The following RSF1 variants were observed in gnomAD, a reference collection of about 807,000 sequenced individuals.
RSF1 encodes remodeling and spacing factor 1.
Under a neutral mutation model 145.2 loss-of-function variants are expected in RSF1, and 13 were observed. The observed-to-expected ratio is 0.09, with a 90% CI of 0.06 to 0.14. The LOEUF (loss-of-function observed/expected upper bound fraction) is 0.14. Ranked by LOEUF, RSF1 falls within the 10% of genes least tolerant of loss-of-function variation. The pLI, the probability that RSF1 is intolerant of heterozygous loss-of-function variation, is 1.00. For missense variants in RSF1, 1,517 were observed against 1,718.2 expected (o/e 0.88, Z 2.07); for synonymous variants, 577 against 592.6 (o/e 0.97, Z 0.38).
At chr11:77,749,150 G>A (rs1383450852) in intron 2 of RSF1, among the ~76,000 whole-genome samples, 6 of 152,172 alleles carry the variant, frequency 3.9e-5, no homozygotes, top group Non-Finnish European at 8.8e-5. Flanking sequence ...AGTGGGTAGG[G>A]GAAGGAAGGA....
chr11:77,687,601 G>A (rs934273081), intron 9 of RSF1, among the ~76,000 whole-genome samples: 1 of 152,136 alleles, frequency 6.6e-6, no homozygotes, highest in Non-Finnish European at 1.5e-5. Flanking sequence ...AAGCTACTCA[G>A]GAGGCTGAGG....
At chr11:77,720,181 T>C (rs1389629270) in intron 5 of RSF1, among the ~76,000 whole-genome samples, 1 of 152,230 alleles carries the variant, frequency 6.6e-6, no homozygotes, top group Non-Finnish European at 1.5e-5. Context: ...ATTAGGTCTG[T>C]GAGCTGCCAG....
At chr11:77,726,792 C>T (rs1961064098) in intron 4 of RSF1, among the ~76,000 whole-genome samples, 1 of 152,162 alleles carries the variant, frequency 6.6e-6, no homozygotes, top group South Asian at 2.1e-4. Flanking sequence ...ACATATGGCT[C>T]CTACCCTCCT....
chr11:77,828,265 ACT>A, the RSF1 span, among the ~76,000 whole-genome samples: 1 of 151,786 alleles, frequency 6.6e-6, no homozygotes, highest in Admixed American at 6.6e-5. Flanking sequence ...ACAGAGCGCA[ACT>A]CTGTCTCAAA....
At chr11:77,798,932 C>T (rs181665930) in intron 1 of RSF1, among the ~76,000 whole-genome samples, 1 of 148,862 alleles carries the variant, frequency 6.7e-6, no homozygotes, top group Non-Finnish European at 1.5e-5. Flanking sequence ...ACTGCACGTT[C>T]TGCATATGTA....
At chr11:77,851,502 T>G in the RSF1 span, 1 of 152,224 alleles carries the variant, frequency 6.6e-6, no homozygotes, top group African/African-American at 2.4e-5. Context: ...CTGATATAGT[T>G]GGATATTTGT....
Position 77,808,046 on chromosome 11 carries a change from A to G in RSF1, c.187+12482T>C, listed in dbSNP as rs888960603. 2.9e-4 allele frequency among the ~76,000 whole-genome samples: 44 copies of G among 152,178 alleles called. 1 individual carries two copies. Among genetic ancestry groups the G allele is most frequent in the Non-Finnish European group, 2.2e-4 (15 of 68,024 alleles). On this transcript the variant is annotated intron_variant, in intron 1 of 15. Transcript: ENST00000308488. ...CATTAAAAAAATTTTTTAAATAAAA[A>G]AATTAGGCTGGGTGCGGTGGCTCAC...
chr11:77,718,528 CAT>C (rs1181319251), intron 5 of RSF1: 12 of 152,262 alleles, frequency 7.9e-5, no homozygotes, highest in African/African-American at 2.2e-4. Context: ...CCCACAAATT[CAT>C]ATATTGAAGC....
chr11:77,727,473 CTT>C (rs59747840), intron 4 of RSF1, among the ~76,000 whole-genome samples: 6 of 112,240 alleles, frequency 5.3e-5, no homozygotes, highest in African/African-American at 7.0e-5. Flanking sequence ...ACTTCCACTA[CTT>C]TTTTTTTTTT....
intron 5 of RSF1, chr11:77,718,306 CAGAAAAAAA>C (rs1960864312): frequency 6.6e-6 from 1 of 150,410 alleles, no homozygotes; most frequent in Admixed American, 6.6e-5. Context: ...AACTCCGTCT[CAGAAAAAAA>C]AGAAAAAAAA....
At chr11:77,844,955 G>C in the RSF1 span, among the ~76,000 whole-genome samples, 5 of 152,184 alleles carry the variant, frequency 3.3e-5, no homozygotes, top group African/African-American at 1.2e-4. Flanking sequence ...GGCTTCATTG[G>C]TTTCTAATGA....
At chr11:77,761,828 A>AT (rs11381383) in intron 2 of RSF1, among the ~76,000 whole-genome samples, 98,377 of 119,136 alleles carry the variant, frequency 0.83, 41,392 homozygotes, top group Middle Eastern at 0.91. Context: ...CCATTCGGTG[A>AT]TTTTTTTTTT....
chr11:77,725,848 A>C, intron 4 of RSF1, 149 bp from the exon 5 acceptor site: 1 of 497,684 alleles, frequency 2.0e-6, no homozygotes, highest in Non-Finnish European at 3.3e-6. Flanking sequence ...ATTAACCCTG[A>C]ATTTTAAAAG....
chr11:77,848,310 T>A, the RSF1 span, among the ~76,000 whole-genome samples: 1 of 152,170 alleles, frequency 6.6e-6, no homozygotes, highest in Non-Finnish European at 1.5e-5. Context: ...TAGTGCTGTA[T>A]ATTTCTATTT....
At position 77,662,348 on chromosome 11, in the gene RSF1, G is replaced by C. The variant is rs1267451665; in HGVS notation, c.*4569C>G. The C allele has an allele frequency of 6.6e-6, 1 of 151,954 alleles. No homozygotes were observed. The highest frequency in any genetic ancestry group is 1.5e-5 in the Non-Finnish European group (1 of 67,962). 9.4% of individuals were successfully genotyped at this position (151,954 alleles called of 1,614,324 possible). On this transcript the variant is annotated 3_prime_UTR_variant, in exon 16 of 16. Transcript: ENST00000308488. ...TCAGGTGTCCAAAAGGAGGAAAAAA[G>C]GTCCACAAATTGGATCCTCTTCTAA...
intron 3 of RSF1, among the ~76,000 whole-genome samples, chr11:77,741,724 C>T (rs922431784): frequency 1.3e-5 from 2 of 152,098 alleles, no homozygotes; most frequent in Admixed American, 6.5e-5. Context: ...AATCTAGCCT[C>T]TTAGCAATTT....
At chr11:77,848,520 G>T in the RSF1 span, among the ~76,000 whole-genome samples, 1 of 151,990 alleles carries the variant, frequency 6.6e-6, no homozygotes, top group African/African-American at 2.4e-5. Flanking sequence ...ACCTCACTTG[G>T]CTAATTTTTT....
chr11:77,701,015 C>T lies in RSF1; in HGVS notation c.2214G>A (p.Arg738=). The T allele has an allele frequency of 6.2e-7, 1 of 1,613,672 alleles. No homozygotes were observed. The highest frequency in any genetic ancestry group is 8.5e-7 in the Non-Finnish European group (1 of 1,180,006). Residue 738 remains arginine, a synonymous_variant, in exon 6 of 16, where the codon AGG becomes AGA. Coordinates refer to ENST00000308488, the MANE Select transcript of RSF1 (RefSeq NM_016578.4). Reference sequence around the variant, plus strand: ...CGGGCTTCTTTTTCCGACTTGATATCCTGATTGTTAATTTGATGCCCTCTT... The same window carrying T: ...CGGGCTTCTTTTTCCGACTTGATATTCTGATTGTTAATTTGATGCCCTCTT... The part of the protein sequence containing the change: ...RQKEGIKLTI[R]ISSRKKKPDS...
chr11:77,841,005 T>G, the RSF1 span: 2 of 518,402 alleles, frequency 3.9e-6, no homozygotes, highest in Non-Finnish European at 3.4e-6. Flanking sequence ...TGAAAATAAT[T>G]TTTTTTCTCA....
Sources: allele counts gnomAD v4.1 joint callset (sites outside exome capture counted in the v4.1 genomes callset), GRCh38; gene constraint gnomAD v4.1.1; transcripts MANE v1.5; gene names NCBI Gene and HGNC (gene_info 2026-07-23, HGNC 2026-07-21).